PTPRD: variants seen among roughly 807,000 people sequenced by gnomAD.
The protein encoded by PTPRD is protein tyrosine phosphatase receptor type D, also known as receptor-type tyrosine-protein phosphatase delta.
In PTPRD, 34 loss-of-function variants were observed where a neutral mutation model predicts 214.5. The ratio of observed to expected loss-of-function variants is 0.16; its 90% CI spans 0.12 to 0.21. The LOEUF (loss-of-function observed/expected upper bound fraction) is 0.21, where lower values mean the gene tolerates loss of function less well. Ranked by LOEUF, PTPRD falls within the 10% of genes least tolerant of loss-of-function variation. The pLI, the probability that PTPRD is intolerant of heterozygous loss-of-function variation, is 1.00. For missense variants in PTPRD, 2,545 were observed against 2,398.7 expected, an observed-to-expected ratio of 1.06 and a Z score of -1.27; for synonymous variants, 1,128 against 845.7, an observed-to-expected ratio of 1.33 and a Z score of -5.79.
intron 10 of PTPRD, among the ~76,000 whole-genome samples, chr9:9,084,802 T>G (rs1441010915): frequency 6.6e-6 from 1 of 152,164 alleles, no homozygotes; most frequent in African/African-American, 2.4e-5. Context: ...ACTGTTGTTT[T>G]GATCTCTCAT....
At chr9:8,940,524 C>T (rs1198858812) in intron 11 of PTPRD, among the ~76,000 whole-genome samples, 1 of 149,184 alleles carries the variant, frequency 6.7e-6, no homozygotes, top group Admixed American at 6.8e-5. Context: ...AACTCCTGAC[C>T]TCAGGTGATC....
chr9:9,246,287 C>A (rs1392384705), intron 9 of PTPRD, among the ~76,000 whole-genome samples: 1 of 152,034 alleles, frequency 6.6e-6, no homozygotes, highest in African/African-American at 2.4e-5. Flanking sequence ...TTCTCACAAT[C>A]TCTTGTGTGG....
intron 5 of PTPRD, among the ~76,000 whole-genome samples, chr9:9,896,156 CCATACACA>C (rs1382517185): frequency 1.3e-5 from 2 of 151,966 alleles, no homozygotes; most frequent in Non-Finnish European, 2.9e-5. Flanking sequence ...ACACACACAA[CCATACACA>C]CATACACAGC....
At chr9:8,540,186 T>C (rs529371023) in intron 14 of PTPRD, among the ~76,000 whole-genome samples, 1 of 152,300 alleles carries the variant, frequency 6.6e-6, no homozygotes, top group East Asian at 1.9e-4. Flanking sequence ...TTATAATTAA[T>C]TCATATTATC....
intron 3 of PTPRD, among the ~76,000 whole-genome samples, chr9:10,231,308 T>C (rs1227891603): frequency 2.0e-5 from 3 of 150,512 alleles, no homozygotes; most frequent in Admixed American, 1.3e-4. Flanking sequence ...AGAGAGGCTG[T>C]GAGGGGGGAA....
chr9:10,118,330 T>A (rs942496221), intron 3 of PTPRD, among the ~76,000 whole-genome samples: 8 of 151,604 alleles, frequency 5.3e-5, no homozygotes, highest in Admixed American at 2.6e-4. Flanking sequence ...ATATATTTAA[T>A]ATATTAATGT....
At chr9:10,487,311 G>C (rs989156692) in intron 2 of PTPRD, among the ~76,000 whole-genome samples, 1 of 151,970 alleles carries the variant, frequency 6.6e-6, no homozygotes, top group Non-Finnish European at 1.5e-5. Context: ...TATTGATAAG[G>C]AAGGACTTAC....
rs1601969101 is a variant in PTPRD at position 9,915,641 on chromosome 9, A to C, written c.-368+22866T>G. ...ACAGGCTAGACCACCAAGCAGAAGA[A>C]ACAAATTTCTGACCTTGAAAACAGA... On this transcript the variant is annotated intron_variant, in intron 5 of 45. Transcript: ENST00000381196. 2.0e-5 allele frequency among the ~76,000 whole-genome samples: 3 copies of C among 152,036 alleles called. No individual in the cohort carries two copies. The East Asian group carries it at 5.8e-4, about 29-fold the overall frequency.
chr9:9,376,339 A>G (rs534466405), intron 9 of PTPRD, among the ~76,000 whole-genome samples: 1 of 152,244 alleles, frequency 6.6e-6, no homozygotes, highest in East Asian at 1.9e-4. Flanking sequence ...CCCTCCTATA[A>G]AATTTGACTT....
At chr9:10,512,836 G>A (rs1469612593) in intron 2 of PTPRD, among the ~76,000 whole-genome samples, 2 of 151,990 alleles carry the variant, frequency 1.3e-5, no homozygotes, top group African/African-American at 4.8e-5. Context: ...AACTAGAGAA[G>A]ACAAATATTT....
chr9:9,080,835 G>C (rs961257884), intron 10 of PTPRD, among the ~76,000 whole-genome samples: 1 of 152,108 alleles, frequency 6.6e-6, no homozygotes, highest in African/African-American at 2.4e-5. Context: ...TGTGGGATCA[G>C]TGGTGATATC....
rs66705572 is a variant in PTPRD, at chr9:10,466,623, CAAAAAAAAAAAAAA to C, written c.-599-125620_-599-125607del. On this transcript the variant is annotated intron_variant, in intron 2 of 45. Transcript: ENST00000381196. ...GGGCAACAAGAGCGAAACTCCAACT[CAAAAAAAAAAAAAA>C]AAAAAAAAAAAAAAGAAAAGAAATT... Among the ~76,000 whole-genome samples the C allele has an allele frequency of 5.2e-5, 4 of 76,874 alleles. 1 individual carries two copies. The highest frequency in any genetic ancestry group is 1.7e-4 in the African/African-American group (3 of 17,262). The allele number at this position is 76,874 out of a possible 152,430, so 50.4% of individuals were successfully genotyped here.
Position 8,486,040 on chromosome 9 carries a change from T to A in PTPRD, c.2777A>T (p.His926Leu), listed in dbSNP as rs1297632010. Residue 926 changes from histidine to leucine, a missense_variant, in exon 28 of 46, where the codon CAC becomes CTC. By Grantham distance (99) the His-to-Leu change is moderately conservative. Transcript: ENST00000381196. ...EVPTGFPQNL[H>L]SEGTTSTSVQ... Reference sequence around the variant, plus strand: ...GGAGGTTGAAGTGGTGCCTTCTGAGTGAAGGTTTTGAGGGAATCCAGTTGG... The same window carrying A: ...GGAGGTTGAAGTGGTGCCTTCTGAGAGAAGGTTTTGAGGGAATCCAGTTGG... 6.2e-7 allele frequency: 1 copy of A among 1,614,114 alleles called. No individual in the cohort carries two copies. Among genetic ancestry groups the A allele is most frequent in the Non-Finnish European group, 8.5e-7 (1 of 1,180,016 alleles).
At chr9:9,007,513 A>G (rs1040835044) in intron 11 of PTPRD, among the ~76,000 whole-genome samples, 1 of 151,976 alleles carries the variant, frequency 6.6e-6, no homozygotes, top group Non-Finnish European at 1.5e-5. Flanking sequence ...TTTTTCTAAA[A>G]TACTCCAATA....
intron 11 of PTPRD, among the ~76,000 whole-genome samples, chr9:8,750,590 G>C (rs992558401): frequency 9.8e-5 from 15 of 152,304 alleles, no homozygotes; most frequent in African/African-American, 3.4e-4. Flanking sequence ...AAGGACCCTA[G>C]AGAAGGGTGG....
chr9:10,006,884 T>C (rs764810259), intron 4 of PTPRD, among the ~76,000 whole-genome samples: 1 of 151,972 alleles, frequency 6.6e-6, no homozygotes, highest in Non-Finnish European at 1.5e-5. Flanking sequence ...TATTCTGACA[T>C]TTTACATTTT....
rs545796405 is a variant in PTPRD, at chr9:9,845,244, T to C, written c.-367-78393A>G. On this transcript the variant is annotated intron_variant, in intron 5 of 45. Transcript: ENST00000381196. ...TATATATATATAGCAATAGTGATCT[T>C]AACAATTCTATTTAGAAACCTATTT... Among the ~76,000 whole-genome samples the C allele has an allele frequency of 4.9e-5, 7 of 143,798 alleles. No homozygotes were observed. The Admixed American group carries it at 4.9e-4, about 10-fold the overall frequency. 94.3% of individuals were successfully genotyped at this position (143,798 alleles called of 152,430 possible).
At chr9:10,218,899 A>G (rs1353079373) in intron 3 of PTPRD, among the ~76,000 whole-genome samples, 2 of 151,848 alleles carry the variant, frequency 1.3e-5, no homozygotes, top group Non-Finnish European at 2.9e-5. Context: ...TCTTGAAGTT[A>G]AACAATATGG....
chr9:9,166,566 A>C (rs1429971220), intron 10 of PTPRD, among the ~76,000 whole-genome samples: 1 of 152,150 alleles, frequency 6.6e-6, no homozygotes, highest in Non-Finnish European at 1.5e-5. Context: ...AAACCTAGAG[A>C]TGCCATTAAC....
Sources: allele counts gnomAD v4.1 joint callset (sites outside exome capture counted in the v4.1 genomes callset), GRCh38; gene constraint gnomAD v4.1.1; transcripts MANE v1.5; gene names NCBI Gene and HGNC (gene_info 2026-07-23, HGNC 2026-07-21).